FAM131B: variants seen among roughly 807,000 people sequenced by gnomAD.
FAM131B encodes protein FAM131B.
A neutral mutation model predicts 42.0 loss-of-function variants in FAM131B; 19 were observed. The observed-to-expected ratio is 0.45, with a 90% CI of 0.32 to 0.66. The LOEUF (loss-of-function observed/expected upper bound fraction) is 0.66. Among genes scored for constraint, FAM131B ranks in the 30% least tolerant of loss-of-function variants. The pLI, the probability that FAM131B is intolerant of heterozygous loss-of-function variation, is 0.05. For missense variants in FAM131B, 370 were observed against 468.4 expected (o/e 0.79, Z 1.94); for synonymous variants, 183 against 177.6 (o/e 1.03, Z -0.24).
the FAM131B span, among the ~76,000 whole-genome samples, chr7:143,379,328 C>T: frequency 1.3e-5 from 2 of 152,196 alleles, no homozygotes; most frequent in Admixed American, 6.5e-5. Flanking sequence ...TCTAACATGT[C>T]TTCAGAGACA....
rs1586529630 is a variant in FAM131B, at chr7:143,355,119, T to C, written c.*1431A>G. ...TTAGGCCTCTCTCTCCTACCCGAAC[T>C]CTGCCTGTGCCAAGGGCTGGGGAGG... On this transcript the variant is annotated 3_prime_UTR_variant, in exon 7 of 7. Coordinates refer to ENST00000443739, the MANE Select transcript of FAM131B (RefSeq NM_001031690.3). This position sits in a 1 kb window ranked among gnomAD's most constrained non-coding sequence, Gnocchi z 4.1. The C allele has an allele frequency of 2.0e-5, 3 of 152,522 alleles. No individual in the cohort carries two copies. Among genetic ancestry groups the C allele is most frequent in the East Asian group, 3.9e-4 (2 of 5,180 alleles). 9.4% of individuals were successfully genotyped at this position (152,522 alleles called of 1,614,324 possible).
the FAM131B span, chr7:143,380,408 C>A: frequency 2.0e-6 from 2 of 984,938 alleles, no homozygotes; most frequent in Non-Finnish European, 2.4e-6. The surrounding 1 kb of genome is among the most constrained non-coding windows in gnomAD (Gnocchi z 5.0). Flanking sequence ...AGCGCAGTCT[C>A]AGAATGCCCA....
chr7:143,367,655 A>G (rs561697183), upstream of FAM131B, among the ~76,000 whole-genome samples: 4 of 152,294 alleles, frequency 2.6e-5, no homozygotes, highest in South Asian at 6.2e-4. Flanking sequence ...CAGTGAGCCA[A>G]TATCACGCCA....
chr7:143,381,755 G>A, the FAM131B span: 2 of 1,584,750 alleles, frequency 1.3e-6, no homozygotes, highest in Non-Finnish European at 1.7e-6. Context: ...CCGGGTGGGC[G>A]AGATTCCCCC....
chr7:143,382,246 A>C, the FAM131B span: 2 of 1,612,034 alleles, frequency 1.2e-6, no homozygotes, highest in East Asian at 4.5e-5. Flanking sequence ...TTCCTACCCC[A>C]GACTTTCCCC....
At chr7:143,362,873 C>A, upstream of FAM131B, 1 of 151,610 alleles carries the variant, frequency 6.6e-6, no homozygotes, top group South Asian at 1.8e-4. The surrounding 1 kb of genome is among the most constrained non-coding windows in gnomAD (Gnocchi z 7.7). Context: ...CCGCGCCTCC[C>A]CGCCCCTGCT....
At chr7:143,371,613 CAAAAAAAAAAAAAAAA>C in the FAM131B span, among the ~76,000 whole-genome samples, 1 of 75,024 alleles carries the variant, frequency 1.3e-5, no homozygotes, top group African/African-American at 5.0e-5. Flanking sequence ...GACCCTGTCT[CAAAAAAAAAAAAAAAA>C]AAAAAAAGAA....
chr7:143,360,131 A>G lies in FAM131B; in HGVS notation c.47T>C (p.Val16Ala), dbSNP rs967227439. 1 of 1,613,234 alleles carries G rather than the reference A, an allele frequency of 6.2e-7. No homozygotes were observed. The highest frequency in any genetic ancestry group is 8.5e-7 in the Non-Finnish European group (1 of 1,179,692). ...GACATCCTTCAGGCCCTTCCAATCC[A>G]CTGCAATCACCTCATTCCCTGAGGG... ...SRTVGNEVIA[V>A]DWKGLKDVDQ... Residue 16 changes from valine to alanine, a missense_variant, in exon 2 of 7, where the codon GTG (valine) becomes GCG (alanine). Val to Ala is a moderately conservative substitution (Grantham distance 64). Transcript: ENST00000443739.
chr7:143,357,124 T>G (rs552446027), intron 6 of FAM131B, 102 bp from the exon 7 acceptor site: 4 of 1,127,616 alleles, frequency 3.5e-6, no homozygotes, highest in Admixed American at 3.6e-5. Context: ...CACAGAGAAC[T>G]GGCAGTAAGA....
chr7:143,359,963 G>T lies in FAM131B; in HGVS notation c.138+77C>A. ...TGTTCTGTAGAAGTGTCAGTCTGAA[G>T]GAGTGTTTGGGTTGTTGCCTTGGAA... On this transcript the variant is annotated intron_variant, in intron 2 of 6. Coordinates refer to ENST00000443739, the MANE Select transcript of FAM131B (RefSeq NM_001031690.3). The surrounding 1 kb of genome is among the most constrained non-coding windows in gnomAD (Gnocchi z 5.4). 2 of 1,132,602 alleles carry T rather than the reference G, an allele frequency of 1.8e-6. No individual in the cohort carries two copies. The highest frequency in any genetic ancestry group is 2.5e-5 in the East Asian group (1 of 40,576). The allele number at this position is 1,132,602 out of a possible 1,614,324, so 70.2% of individuals were successfully genotyped here. A position where few individuals can be genotyped will look rare whatever the true frequency, so the allele number is the denominator to read the frequency against.
the FAM131B span, among the ~76,000 whole-genome samples, chr7:143,371,163 G>A: frequency 1.3e-5 from 2 of 152,060 alleles, no homozygotes; most frequent in African/African-American, 2.4e-5. Context: ...TAGGTTCTAC[G>A]ATCCAAAACT....
chr7:143,382,266 C>G, the FAM131B span: 9 of 1,612,726 alleles, frequency 5.6e-6, no homozygotes, highest in African/African-American at 1.2e-4. Context: ...CTGCCTCCAC[C>G]TCCCCTTGCT....
At chr7:143,382,291 T>C in the FAM131B span, 2 of 1,612,788 alleles carry the variant, frequency 1.2e-6, no homozygotes, top group East Asian at 4.5e-5. Context: ...ATGGCGACGA[T>C]GCAGAGGGTG....
the FAM131B span, among the ~76,000 whole-genome samples, chr7:143,378,650 T>C: frequency 6.7e-6 from 1 of 149,848 alleles, no homozygotes; most frequent in Non-Finnish European, 1.5e-5. Context: ...CTTGGCTCAC[T>C]GCAACTTCCG....
chr7:143,360,683 A>AG (rs1362679879), intron 1 of FAM131B: 3 of 154,364 alleles, frequency 1.9e-5, no homozygotes, highest in African/African-American at 7.2e-5. Flanking sequence ...CAGTGAGCAG[A>AG]GAAACCAAGG....
the FAM131B span, among the ~76,000 whole-genome samples, chr7:143,377,318 A>G: frequency 5.9e-5 from 9 of 152,254 alleles, no homozygotes; most frequent in African/African-American, 2.2e-4. Context: ...GCACGTATAC[A>G]TATAGCTTGC....
In FAM131B at chr7:143,358,665, A is replaced by G. The variant is rs989209778; in HGVS notation, c.466+162T>C. Among the ~76,000 whole-genome samples the G allele has an allele frequency of 6.6e-6, 1 of 152,190 alleles. No individual in the cohort carries two copies. The highest frequency in any genetic ancestry group is 1.5e-5 in the Non-Finnish European group (1 of 68,032). Reference sequence around the variant, plus strand: ...TGATTATAAAAATATGTTTGAGGGCACTTATTTGAATTACCACATCAAAAT... The same window carrying G: ...TGATTATAAAAATATGTTTGAGGGCGCTTATTTGAATTACCACATCAAAAT... On this transcript the variant is annotated intron_variant, in intron 5 of 6. Transcript: ENST00000443739. The surrounding 1 kb of genome is among the most constrained non-coding windows in gnomAD (Gnocchi z 4.7).
upstream of FAM131B, among the ~76,000 whole-genome samples, chr7:143,367,651 G>C (rs143365056): frequency 0.025 from 3,820 of 152,270 alleles, 87 homozygotes; most frequent in Non-Finnish European, 0.041. Context: ...GTTGCAGTGA[G>C]CCAATATCAC....
intron 1 of FAM131B, chr7:143,361,990 G>GCCC: frequency 1.5e-5 from 12 of 807,324 alleles, no homozygotes; most frequent in African/African-American, 1.9e-5. Flanking sequence ...GGCTCATCCC[G>GCCC]CCCCCGCCCC....
Sources: allele counts gnomAD v4.1 joint callset (sites outside exome capture counted in the v4.1 genomes callset), GRCh38; gene constraint gnomAD v4.1.1; non-coding constraint Gnocchi (gnomAD v3.1); transcripts MANE v1.5; gene names NCBI Gene and HGNC (gene_info 2026-07-23, HGNC 2026-07-21).